Variants in LPO observed in about 807,000 individuals in gnomAD.
The protein encoded by LPO is lactoperoxidase.
Under a neutral mutation model 68.4 loss-of-function variants are expected in LPO, and 70 were observed. The ratio of observed to expected loss-of-function variants is 1.02; its 90% confidence interval spans 0.84 to 1.25. LPO has a LOEUF of 1.25. LPO is among the 50% of genes most tolerant of loss of function. LPO has a pLI of 0.00. For missense variants in LPO, 873 were observed against 908.4 expected, an observed-to-expected ratio of 0.96 and a Z score of 0.50; for synonymous variants, 360 against 357.6, an observed-to-expected ratio of 1.01 and a Z score of -0.08.
intron 1 of LPO, among the ~76,000 whole-genome samples, chr17:58,241,521 T>A (rs1005703624): frequency 2.0e-5 from 3 of 152,152 alleles, no homozygotes; most frequent in Non-Finnish European, 4.4e-5. Flanking sequence ...AACCCTGCAA[T>A]GGGTCCCCTG....
At chr17:58,251,740 G>C in intron 7 of LPO, 1 of 398,388 alleles carries the variant, frequency 2.5e-6, no homozygotes, top group Non-Finnish European at 5.0e-6. Flanking sequence ...CTATAAAATG[G>C]AACTGAATTG....
chr17:58,245,951 C>G (rs1298091584), intron 3 of LPO, among the ~76,000 whole-genome samples: 1 of 152,198 alleles, frequency 6.6e-6, no homozygotes, highest in Non-Finnish European at 1.5e-5. Context: ...CTGGTTAGTC[C>G]TTGGACTCAG....
chr17:58,247,516 G>T lies in LPO; in HGVS notation c.203G>T (p.Arg68Leu). The T allele has an allele frequency of 6.2e-7, 1 of 1,612,594 alleles. No individual in the cohort carries two copies. The highest frequency in any genetic ancestry group is 8.5e-7 in the Non-Finnish European group (1 of 1,179,250). ...TAMSSETPTS[R>L]QLSEYLKHAK... ...ATGAGCTCTGAGACTCCCACCAGCC[G>T]ACAGCTCTCAGAATACCTCAAGCAT... The change falls in exon 4 of 13, where the codon CGA becomes CTA. Residue 68 changes from arginine to leucine, a missense_variant. Arg to Leu is a moderately radical substitution (Grantham distance 102). Transcript: ENST00000262290.
Position 58,267,774 on chromosome 17 carries a change from T to G in LPO, c.1932-13T>G. 1 of 1,612,680 alleles carries G rather than the reference T, an allele frequency of 6.2e-7. No individual in the cohort carries two copies. Among genetic ancestry groups the G allele is most frequent in the Non-Finnish European group, 8.5e-7 (1 of 1,178,806 alleles). Reference sequence around the variant, plus strand: ...GGCCAGACTGTGGAGTGACTCTACTTCTGTCTCTGCAGGTTCTGGTGGGAA... The same window carrying G: ...GGCCAGACTGTGGAGTGACTCTACTGCTGTCTCTGCAGGTTCTGGTGGGAA... On this transcript the variant is annotated splice_polypyrimidine_tract_variant and intron_variant, in intron 12 of 12. Coordinates refer to ENST00000262290, the MANE Select transcript of LPO (RefSeq NM_006151.3).
Position 58,268,098 on chromosome 17 carries a change from T to G in LPO, c.*104T>G. 2 of 1,228,772 alleles carry G rather than the reference T, an allele frequency of 1.6e-6. No individual in the cohort carries two copies. Among genetic ancestry groups the G allele is most frequent in the Admixed American group, 4.1e-5 (2 of 48,810 alleles). 76.1% of individuals were successfully genotyped at this position (1,228,772 alleles called of 1,614,324 possible). Reference sequence around the variant, plus strand: ...CTCCATATCCCAGTCCCAGCCCTTCTTTGCAGCTGGGCCTCTCTATACCCC... The same window carrying G: ...CTCCATATCCCAGTCCCAGCCCTTCGTTGCAGCTGGGCCTCTCTATACCCC... On this transcript the variant is annotated 3_prime_UTR_variant, in exon 13 of 13. Coordinates refer to ENST00000262290, the MANE Select transcript of LPO (RefSeq NM_006151.3).
At chr17:58,253,314 T>C (rs1970000058) in intron 8 of LPO, among the ~76,000 whole-genome samples, 1 of 152,222 alleles carries the variant, frequency 6.6e-6, no homozygotes, top group Admixed American at 6.5e-5. Flanking sequence ...TTACCATCAT[T>C]TATTTTCTCA....
At chr17:58,261,511 G>A (rs1394909863) in intron 9 of LPO, among the ~76,000 whole-genome samples, 2 of 150,988 alleles carry the variant, frequency 1.3e-5, no homozygotes, top group East Asian at 3.9e-4. Flanking sequence ...TTTGAAGCGA[G>A]TTTCTTTTAG....
rs554277447 is a variant in LPO at position 58,252,195 on chromosome 17, A to T, written c.794A>T (p.Asp265Val). ...CTCTCTCTGCAGTTCCCACCCAATG[A>T]CCCCAAGGCGGGGACTCAAGGGAAA... ...NCFPIMFPPN[D>V]PKAGTQGKCM... The change falls in exon 8 of 13, where the codon GAC becomes GTC. Residue 265 changes from aspartate (D) to valine (V), a missense_variant. Asp to Val is a radical substitution (Grantham distance 152). Transcript: ENST00000262290. 1 of 1,613,382 alleles carries T rather than the reference A, an allele frequency of 6.2e-7. No homozygotes were observed. Among genetic ancestry groups the T allele is most frequent in the Non-Finnish European group, 8.5e-7 (1 of 1,179,676 alleles).
chr17:58,241,584 C>T (rs1195428252), intron 1 of LPO, among the ~76,000 whole-genome samples: 1 of 152,088 alleles, frequency 6.6e-6, no homozygotes, highest in Non-Finnish European at 1.5e-5. Context: ...TCTCTTCCTC[C>T]TTGGGGCCAT....
At chr17:58,251,308 A>G (rs920523219) in intron 7 of LPO, 1 of 152,164 alleles carries the variant, frequency 6.6e-6, no homozygotes, top group Non-Finnish European at 1.5e-5. Flanking sequence ...GAAAAAAAAA[A>G]TGCAAAATCT....
chr17:58,260,186 T>G (rs1446686015), intron 9 of LPO, among the ~76,000 whole-genome samples: 1 of 152,276 alleles, frequency 6.6e-6, no homozygotes, highest in Non-Finnish European at 1.5e-5. Flanking sequence ...ATTTTATCAG[T>G]GTATGAAAAT....
intron 8 of LPO, among the ~76,000 whole-genome samples, chr17:58,254,152 T>TATAGATATATAGATAGATAG (rs1555605278): frequency 0.012 from 1,621 of 133,338 alleles, 12 homozygotes; most frequent in African/African-American, 0.022. Context: ...TATATAGATA[T>TATAGATATATAGATAGATAG]ATAGATAGAT....
At position 58,242,424 on chromosome 17, in the gene LPO, G is replaced by A. The variant is rs139931309; in HGVS notation, c.-2-554G>A. On this transcript the variant is annotated intron_variant, in intron 1 of 12. Coordinates refer to ENST00000262290, the MANE Select transcript of LPO (RefSeq NM_006151.3). ...CCCTGCCAGGTTTCCGAAGGGAGGC[G>A]CTGAGTGTCTGCCTCTCAGGCATTC... 2.6e-4 allele frequency among the ~76,000 whole-genome samples: 39 copies of A among 152,274 alleles called. No homozygotes were observed. In the East Asian group the frequency reaches 6.6e-3, roughly 26 times the overall value.
At chr17:58,260,321 G>T (rs1177783924) in intron 9 of LPO, among the ~76,000 whole-genome samples, 1 of 152,100 alleles carries the variant, frequency 6.6e-6, no homozygotes, top group African/African-American at 2.4e-5. Context: ...TGCCAATAAA[G>T]ACAGTTGTGT....
chr17:58,259,554 A>G (rs1259441516), intron 9 of LPO, among the ~76,000 whole-genome samples: 2 of 152,210 alleles, frequency 1.3e-5, no homozygotes, highest in Non-Finnish European at 2.9e-5. Context: ...TGGATATTCT[A>G]GGATCTTTCC....
intron 9 of LPO, 143 bp from the exon 10 acceptor site, chr17:58,264,579 G>A (rs756863724): frequency 2.7e-6 from 2 of 744,710 alleles, no homozygotes; most frequent in Non-Finnish European, 4.5e-6. Context: ...TCATAGGAAT[G>A]GGAACTGGGC....
intron 9 of LPO, among the ~76,000 whole-genome samples, chr17:58,256,990 C>CTTTTTTTT (rs1040765289): frequency 4.5e-4 from 34 of 75,052 alleles, no homozygotes; most frequent in African/African-American, 5.3e-4. Flanking sequence ...AGGTCTTACT[C>CTTTTTTTT]TTTTTTTTTT....
intron 1 of LPO, among the ~76,000 whole-genome samples, chr17:58,241,189 C>A (rs1969752409): frequency 7.2e-6 from 1 of 138,700 alleles, no homozygotes; most frequent in Non-Finnish European, 1.5e-5. Flanking sequence ...TGGCTCACTG[C>A]AGCCTCCACC....
At chr17:58,249,900 C>G (rs1180181473) in intron 6 of LPO, among the ~76,000 whole-genome samples, 1 of 152,254 alleles carries the variant, frequency 6.6e-6, no homozygotes, top group Non-Finnish European at 1.5e-5. Context: ...TTCTGGCCGC[C>G]GCAGGCCAGA....
Sources: allele counts gnomAD v4.1 joint callset (sites outside exome capture counted in the v4.1 genomes callset), GRCh38; gene constraint gnomAD v4.1.1; transcripts MANE v1.5; gene names NCBI Gene and HGNC (gene_info 2026-07-23, HGNC 2026-07-21).